Variants in RSRP1 observed in about 807,000 individuals in gnomAD.
The protein encoded by RSRP1 is arginine/serine-rich protein 1.
RSRP1 carries 37 observed loss-of-function variants against 33.0 expected under a neutral mutation model. The ratio of observed to expected loss-of-function variants is 1.12; its 90% confidence interval spans 0.86 to 1.48. The LOEUF (loss-of-function observed/expected upper bound fraction) is 1.48. Ranked by LOEUF, RSRP1 falls within the 40% of genes most tolerant of loss-of-function variation. The pLI, the probability that RSRP1 is intolerant of heterozygous loss-of-function variation, is 0.00. For synonymous variants in RSRP1, 167 were observed against 158.7 expected (o/e 1.05, Z -0.40); for missense variants, 402 against 385.3 (o/e 1.04, Z -0.36).
intron 1 of RSRP1, chr1:25,290,509 T>C (rs1642395072): frequency 4.8e-6 from 4 of 839,556 alleles, no homozygotes; most frequent in Non-Finnish European, 3.9e-6. Flanking sequence ...AGAAATCTTG[T>C]CTTCTATTCC....
At chr1:25,277,378 G>A (rs1641102323) in intron 1 of RSRP1, among the ~76,000 whole-genome samples, 1 of 132,410 alleles carries the variant, frequency 7.6e-6, no homozygotes, top group Non-Finnish European at 1.8e-5. Flanking sequence ...TGGAAATTTA[G>A]TAGAAATGCA....
Position 25,313,816 on chromosome 1 carries a change from T to C in RSRP1, c.-67+24162A>G, listed in dbSNP as rs1270806891. Among the ~76,000 whole-genome samples, 11 of 132,898 alleles carry C rather than the reference T, an allele frequency of 8.3e-5. 2 individuals are homozygous for C. The highest frequency in any genetic ancestry group is 2.3e-4 in the South Asian group (1 of 4,372). The allele number at this position is 132,898 out of a possible 152,430, so 87.2% of individuals were successfully genotyped here. A position where few individuals can be genotyped will look rare whatever the true frequency, so the allele number is the denominator to read the frequency against. On this transcript the variant is annotated intron_variant, in intron 1 of 1. Coordinates refer to the RSRP1 transcript ENST00000561867. ...TGAGGGGTTTATAATATGAGTTTCC[T>C]ATGCCTGAGAAAGCTGACTTGCAAG... is the stretch of plus-strand genomic sequence containing the variant.
At chr1:25,249,202 A>G (rs1639693211), upstream of RSRP1, among the ~76,000 whole-genome samples, 1 of 151,580 alleles carries the variant, frequency 6.6e-6, no homozygotes, top group African/African-American at 2.4e-5. Flanking sequence ...AAGTATAAAA[A>G]TGATGTGTTG....
rs549377943 is a variant in RSRP1, at chr1:25,307,706, G to C, written c.-67+30272C>G. 16 of 1,308,348 alleles carry C rather than the reference G, an allele frequency of 1.2e-5. 2 individuals are homozygous for C. In the African/African-American group the frequency reaches 1.5e-4, roughly 12 times the overall value. 81.0% of individuals were successfully genotyped at this position (1,308,348 alleles called of 1,614,324 possible). Reference sequence around the variant, plus strand: ...GAAGCAGGTGATGAGGAGCTGATGCGTTTGGACGTGTCTCAGAGAAATCAT... The same window carrying C: ...GAAGCAGGTGATGAGGAGCTGATGCCTTTGGACGTGTCTCAGAGAAATCAT... On this transcript the variant is annotated intron_variant, in intron 1 of 1. Transcript: ENST00000561867.
At chr1:25,277,611 C>T (rs1198649296) in intron 1 of RSRP1, among the ~76,000 whole-genome samples, 1 of 129,920 alleles carries the variant, frequency 7.7e-6, no homozygotes, top group African/African-American at 2.6e-5. Context: ...GATGATAGTA[C>T]TTGTTTCATT....
intron 3 of RSRP1, 68 bp downstream of exon 3, chr1:25,245,082 T>C (rs1553132310): frequency 1.2e-6 from 2 of 1,613,450 alleles, no homozygotes; most frequent in South Asian, 1.1e-5. Flanking sequence ...GTCTAAGATA[T>C]AAGTGGCTAA....
chr1:25,319,777 G>A (rs1313513895), intron 1 of RSRP1, among the ~76,000 whole-genome samples: 1 of 132,718 alleles, frequency 7.5e-6, no homozygotes, highest in Non-Finnish European at 1.8e-5. Flanking sequence ...CATAGTTATT[G>A]GGTTTCTCAG....
chr1:25,285,134 A>ATTT lies in RSRP1; in HGVS notation c.-66-38108_-66-38106dup, dbSNP rs869147845. 9.7e-4 allele frequency among the ~76,000 whole-genome samples: 117 copies of ATTT among 120,742 alleles called. 7 individuals are homozygous for ATTT. The highest frequency in any genetic ancestry group is 2.6e-3 in the African/African-American group (86 of 33,562). 79.2% of individuals were successfully genotyped at this position (120,742 alleles called of 152,430 possible). On this transcript the variant is annotated intron_variant, in intron 1 of 1. Transcript: ENST00000561867. ...CATGCCACACCTAGAGAGACATTCT[A>ATTT]TTTTTTTTTTTTTTTTTGAGACGGA... is the stretch of plus-strand genomic sequence containing the variant.
chr1:25,313,023 C>G (rs1361475645), intron 1 of RSRP1, among the ~76,000 whole-genome samples: 2 of 111,706 alleles, frequency 1.8e-5, no homozygotes, highest in Non-Finnish European at 4.0e-5. Flanking sequence ...GGGCAGGATG[C>G]TGTGGTTTGA....
At chr1:25,300,504 T>A in intron 1 of RSRP1, among the ~76,000 whole-genome samples, 1 of 23,042 alleles carries the variant, frequency 4.3e-5, no homozygotes, top group African/African-American at 1.0e-4. Context: ...GGAGCAAGAC[T>A]CTGTCTCAAA....
chr1:25,244,142 C>A (rs1202395646), intron 3 of RSRP1: 14 of 1,286,192 alleles, frequency 1.1e-5, no homozygotes, highest in South Asian at 8.7e-5. Flanking sequence ...TTTGCTAATG[C>A]ACATCCTGCA....
chr1:25,246,918 TCTC>T lies in RSRP1; in HGVS notation c.43_45del (p.Glu15del), dbSNP rs774170122. Reference sequence around the variant, plus strand: ...GACCGCGAGGTCGAGGGCGAATCCTTCTCCTGCGGCGAGCCCGGCCACATGTCG... The same window carrying T: ...GACCGCGAGGTCGAGGGCGAATCCTTCTGCGGCGAGCCCGGCCACATGTCG... On this transcript the variant is annotated inframe_deletion, in exon 2 of 5. Transcript: ENST00000243189. The T allele has an allele frequency of 3.8e-6, 6 of 1,595,426 alleles. No individual in the cohort carries two copies. The highest frequency in any genetic ancestry group is 2.3e-5 in the East Asian group (1 of 44,412).
At chr1:25,310,657 G>C (rs2124704477) in intron 1 of RSRP1, among the ~76,000 whole-genome samples, 1 of 132,212 alleles carries the variant, frequency 7.6e-6, no homozygotes, top group East Asian at 2.0e-4. Flanking sequence ...GAGCAGGCTA[G>C]AAAAAGCCTG....
chr1:25,251,644 C>T (rs1639784616), upstream of RSRP1, among the ~76,000 whole-genome samples: 1 of 152,182 alleles, frequency 6.6e-6, no homozygotes, highest in South Asian at 2.1e-4. Context: ...GCTGGGATTA[C>T]AGGCGTGAGC....
chr1:25,248,516 C>T (rs1376609601), upstream of RSRP1, among the ~76,000 whole-genome samples: 2 of 152,188 alleles, frequency 1.3e-5, no homozygotes, highest in African/African-American at 4.8e-5. Flanking sequence ...AACTGTGTTG[C>T]CCAGGCTGGT....
chr1:25,284,787 T>C lies in RSRP1; in HGVS notation c.-66-37758A>G, dbSNP rs1366681134. 3.6e-6 allele frequency: 5 copies of C among 1,382,216 alleles called. No individual in the cohort carries two copies. In the East Asian group the frequency reaches 8.9e-5, roughly 25 times the overall value. The allele number at this position is 1,382,216 out of a possible 1,614,324, so 85.6% of individuals were successfully genotyped here. A position where few individuals can be genotyped will look rare whatever the true frequency, so the allele number is the denominator to read the frequency against. ...ATTGGGATGGTGGCTGGATCACTTCTGGGTCATAGAGGGAATGGACCCCGA... is the reference window on the plus strand; with the variant it reads ...ATTGGGATGGTGGCTGGATCACTTCCGGGTCATAGAGGGAATGGACCCCGA... On this transcript the variant is annotated intron_variant, in intron 1 of 1. Transcript: ENST00000561867.
rs12097974 is a variant in RSRP1, at chr1:25,244,856, G to T, written c.672+294C>A. 1.0e-5 allele frequency: 11 copies of T among 1,070,196 alleles called. No individual in the cohort carries two copies. In the African/African-American group the frequency reaches 1.5e-4, roughly 14 times the overall value. 66.3% of individuals were successfully genotyped at this position (1,070,196 alleles called of 1,614,324 possible). ...GCACCACCATGCCTGGCTAATTTTT[G>T]TATTTTTTGTAAACACGCGGTTTTG... On this transcript the variant is annotated intron_variant, in intron 3 of 4. Coordinates refer to ENST00000243189, the MANE Select transcript of RSRP1 (RefSeq NM_020317.5).
chr1:25,276,549 A>G (rs1399725607), intron 1 of RSRP1, among the ~76,000 whole-genome samples: 4 of 125,368 alleles, frequency 3.2e-5, no homozygotes, highest in Non-Finnish European at 7.4e-5. Flanking sequence ...AAAAAAAAAA[A>G]AAAAAACTTT....
intron 1 of RSRP1, chr1:25,301,095 T>C: frequency 7.3e-7 from 1 of 1,375,150 alleles, no homozygotes; most frequent in Non-Finnish European, 1.0e-6. Context: ...CCATGCTGGG[T>C]AAGGACAAGG....
Sources: gnomAD v4.1 joint callset for allele counts (sites outside exome capture counted in the v4.1 genomes callset) on GRCh38, gnomAD v4.1.1 for gene constraint, MANE v1.5 for transcripts, NCBI Gene and HGNC (gene_info 2026-07-23, HGNC 2026-07-21) for gene names.